PRRC2C: variants seen among roughly 807,000 people sequenced by gnomAD.
The protein encoded by PRRC2C is proline rich coiled-coil 2C.
PRRC2C carries 72 observed loss-of-function variants against 317.2 expected under a neutral mutation model. The observed-to-expected ratio is 0.23, with a 90% CI of 0.19 to 0.28. The LOEUF (loss-of-function observed/expected upper bound fraction) is 0.28, where lower values mean the gene tolerates loss of function less well. PRRC2C is among the 10% of genes least tolerant of loss of function. The pLI is 1.00. For missense variants in PRRC2C, 3,074 were observed against 3,459.7 expected (o/e 0.89, Z 2.80); for synonymous variants, 1,296 against 1,205.9 (o/e 1.07, Z -1.55).
intron 1 of PRRC2C, chr1:171,511,824 G>T (rs951247598): frequency 4.0e-6 from 1 of 250,390 alleles, no homozygotes; most frequent in African/African-American, 2.3e-5. Context: ...ATAGAGTTAA[G>T]CAGTTATAAC....
intron 32 of PRRC2C, among the ~76,000 whole-genome samples, 177 bp from the exon 33 acceptor site, chr1:171,588,202 C>G (rs1424788445): frequency 6.6e-6 from 1 of 152,172 alleles, no homozygotes; most frequent in Non-Finnish European, 1.5e-5. Flanking sequence ...AACTGGTATC[C>G]TTTCTTACCT....
intron 20 of PRRC2C, among the ~76,000 whole-genome samples, chr1:171,562,345 C>G (rs976449075): frequency 6.6e-6 from 1 of 152,104 alleles, no homozygotes; most frequent in Non-Finnish European, 1.5e-5. Context: ...CAGGTGGATC[C>G]TGTAGGGCCT....
intron 34 of PRRC2C, among the ~76,000 whole-genome samples, chr1:171,590,109 T>C (rs929258165): frequency 1.3e-5 from 2 of 152,138 alleles, no homozygotes; most frequent in African/African-American, 4.8e-5. Flanking sequence ...TGTTACTATC[T>C]TAGTACTTTT....
chr1:171,555,291 G>A (rs1464336350), intron 18 of PRRC2C, among the ~76,000 whole-genome samples: 5 of 152,104 alleles, frequency 3.3e-5, no homozygotes, highest in African/African-American at 4.8e-5. Context: ...CGTAGCTCTC[G>A]TGCCATGGTT....
intron 9 of PRRC2C, 54 bp from the exon 10 acceptor site, chr1:171,524,767 T>C: frequency 6.8e-7 from 1 of 1,475,234 alleles, no homozygotes; most frequent in Non-Finnish European, 9.0e-7. Flanking sequence ...AAATAATGTG[T>C]GTACTTATGA....
chr1:171,578,829 AC>A (rs1647827380), intron 26 of PRRC2C, among the ~76,000 whole-genome samples: 1 of 152,200 alleles, frequency 6.6e-6, no homozygotes, highest in Non-Finnish European at 1.5e-5. Context: ...GTGCCACTGC[AC>A]TTCAGCCTGG....
rs1010788848 is a variant in PRRC2C, at chr1:171,514,228, T to C, written c.291-308T>C. Among the ~76,000 whole-genome samples, 8 of 151,614 alleles carry C rather than the reference T, an allele frequency of 5.3e-5. No homozygotes were observed. In the East Asian group the frequency reaches 1.4e-3, roughly 26 times the overall value. ...AGTGTTCACTTCTTCAAAACAGATA[T>C]TTGGTAACTGTGTTTAATTAAAAGT... On this transcript the variant is annotated intron_variant, in intron 3 of 34. Transcript: ENST00000647382.
intron 26 of PRRC2C, among the ~76,000 whole-genome samples, chr1:171,577,996 G>T (rs59876822): frequency 0.085 from 11,276 of 132,492 alleles, 1,522 homozygotes; most frequent in African/African-American, 0.29. Flanking sequence ...GGGTTTTACC[G>T]TGTTGCCCAG....
chr1:171,511,499 T>TCAC (rs1170035957), intron 1 of PRRC2C: 3 of 152,234 alleles, frequency 2.0e-5, no homozygotes, highest in Admixed American at 1.3e-4. Context: ...AGGTTATTTT[T>TCAC]ATATACCTTG....
Position 171,532,816 on chromosome 1 carries a change from A to G in PRRC2C, c.1728A>G (p.Glu576=), listed in dbSNP as rs1408400080. The G allele has an allele frequency of 7.5e-6, 12 of 1,589,848 alleles. No individual in the cohort carries two copies. The highest frequency in any genetic ancestry group is 8.5e-6 in the Non-Finnish European group (10 of 1,170,532). ...AACTAGAACGGCAGAAAGAAAAGGA[A>G]AAAGAACTACAAAAGATGAAAGAAC... The part of the protein sequence containing the change: ...EKELERQKEK[E]KELQKMKEQE... The change falls in exon 12 of 35, where the codon GAA becomes GAG. Residue 576 remains glutamate, a synonymous_variant. Coordinates refer to ENST00000647382, the MANE Select transcript of PRRC2C (RefSeq NM_001387844.1).
At position 171,541,620 on chromosome 1, in the gene PRRC2C, C is replaced by T. The variant is rs1466884764; in HGVS notation, c.4154C>T (p.Pro1385Leu). Residue 1385 changes from proline (P) to leucine (L), a missense_variant, in exon 16 of 35, where the codon CCT becomes CTT. Pro to Leu is a moderately conservative substitution (Grantham distance 98, BLOSUM62 -3). This residue lies in a region of PRRC2C where 1,320 missense variants were observed against 1,395.7 expected (regional missense o/e 0.95). Transcript: ENST00000647382. This position sits in a 1 kb window ranked among gnomAD's most constrained non-coding sequence, Gnocchi z 4.1. ...TGGAACCCAAGGCAGTCAGAAGTTC[C>T]TAAACCAGAAGATGGAGAGCCGCCA... Reference protein sequence around the residue: ...NQWNPRQSEVPKPEDGEPPRR... With the variant: ...NQWNPRQSEVLKPEDGEPPRR... The T allele has an allele frequency of 1.2e-6, 2 of 1,613,748 alleles. No homozygotes were observed. Among genetic ancestry groups the T allele is most frequent in the East Asian group, 2.2e-5 (1 of 44,860 alleles).
At chr1:171,576,956 C>T (rs1685801166) in intron 25 of PRRC2C, among the ~76,000 whole-genome samples, 1 of 152,164 alleles carries the variant, frequency 6.6e-6, no homozygotes, top group Admixed American at 6.5e-5. Context: ...GAGAGAAATC[C>T]AGCCTTAAGT....
At chr1:171,501,203 A>G (rs1669054410) in intron 1 of PRRC2C, among the ~76,000 whole-genome samples, 1 of 150,672 alleles carries the variant, frequency 6.6e-6, no homozygotes, top group Non-Finnish European at 1.5e-5. Flanking sequence ...AACAGGGTTC[A>G]CTACAGCTTT....
chr1:171,523,631 TTATA>T, intron 9 of PRRC2C, 109 bp downstream of exon 9: 1 of 977,316 alleles, frequency 1.0e-6, no homozygotes, highest in Non-Finnish European at 1.5e-6. Context: ...TTTGTAGAAT[TTATA>T]TATTCTCAGA....
chr1:171,540,642 A>G lies in PRRC2C; in HGVS notation c.3176A>G (p.Asp1059Gly), dbSNP rs1327305949. ...AAGCCTGAAAAGACGGAAAAGAAGG[A>G]TCTTCCTCCTCCCCCACCACCACCT... Reference protein sequence around the residue: ...VVKPEKTEKKDLPPPPPPPQP... With the variant: ...VVKPEKTEKKGLPPPPPPPQP... The change falls in exon 16 of 35, where the codon GAT becomes GGT. Residue 1059 changes from aspartate to glycine, a missense_variant. Asp to Gly is a moderately conservative substitution (Grantham distance 94). Coordinates refer to ENST00000647382, the MANE Select transcript of PRRC2C (RefSeq NM_001387844.1). 3.1e-6 allele frequency: 5 copies of G among 1,613,828 alleles called. No homozygotes were observed. Among genetic ancestry groups the G allele is most frequent in the Non-Finnish European group, 3.4e-6 (4 of 1,179,898 alleles).
chr1:171,518,625 G>C (rs1414851962), intron 6 of PRRC2C, among the ~76,000 whole-genome samples: 1 of 127,790 alleles, frequency 7.8e-6, no homozygotes, highest in Non-Finnish European at 1.6e-5. Flanking sequence ...CGCCTCCCGA[G>C]TAGCTGAAAT....
At position 171,529,959 on chromosome 1, in the gene PRRC2C, C is replaced by T. The variant is rs182611246; in HGVS notation, c.1254+2115C>T. On this transcript the variant is annotated intron_variant, in intron 11 of 34. Transcript: ENST00000647382. ...TAGCTGTACATATCACAACCATCAC[C>T]ATCGTTTCCAGCAATCCCTCTCCTC... is the stretch of plus-strand genomic sequence containing the variant. Among the ~76,000 whole-genome samples, 807 of 152,288 alleles carry T rather than the reference C, an allele frequency of 5.3e-3. 6 individuals are homozygous for T. Among genetic ancestry groups the T allele is most frequent in the Admixed American group, 6.9e-3 (105 of 15,288 alleles).
intron 17 of PRRC2C, among the ~76,000 whole-genome samples, chr1:171,547,279 G>A (rs1679290304): frequency 6.6e-6 from 1 of 152,014 alleles, no homozygotes; most frequent in South Asian, 2.1e-4. Context: ...AACCTAAAAT[G>A]TTAAAAAGAA....
intron 34 of PRRC2C, chr1:171,591,020 G>T: frequency 4.7e-6 from 1 of 214,652 alleles, no homozygotes; most frequent in Non-Finnish European, 8.0e-6. Context: ...CAGATTTGAC[G>T]TAAGTATATT....
Sources: allele counts gnomAD v4.1 joint callset (sites outside exome capture counted in the v4.1 genomes callset), GRCh38; gene constraint gnomAD v4.1.1; regional missense constraint gnomAD v4.1.1; non-coding constraint Gnocchi (gnomAD v3.1); transcripts MANE v1.5; gene names NCBI Gene and HGNC (gene_info 2026-07-23, HGNC 2026-07-21).